Variants in CDC73 observed in about 807,000 individuals in gnomAD.
The protein encoded by CDC73 is cell division cycle 73, also known as parafibromin.
A neutral mutation model predicts 83.7 loss-of-function variants in CDC73; 21 were observed. The observed-to-expected ratio is 0.25, with a 90% confidence interval of 0.18 to 0.36. The LOEUF is 0.36. Among genes scored for constraint, CDC73 ranks in the 10% least tolerant of loss-of-function variants. The pLI, the probability that CDC73 is intolerant of heterozygous loss-of-function variation, is 1.00. For synonymous variants in CDC73, 224 were observed against 212.9 expected (o/e 1.05, Z -0.45); for missense variants, 342 against 653.3 (o/e 0.52, Z 5.19).
Position 193,222,210 on chromosome 1 carries a change from C to T in CDC73, c.1154+9733C>T, listed in dbSNP as rs562705096. On this transcript the variant is annotated intron_variant, in intron 13 of 16. Coordinates refer to ENST00000367435, the MANE Select transcript of CDC73 (RefSeq NM_024529.5). ...ATTGGGTGTAACTTCCTGATTTTGG[C>T]CATGTTGGCAGCCACATGGGGCCGA... 1.4e-4 allele frequency among the ~76,000 whole-genome samples: 21 copies of T among 152,188 alleles called. 1 individual carries two copies. In the South Asian group the frequency reaches 4.4e-3, roughly 32 times the overall value.
chr1:193,180,490 G>A, intron 10 of CDC73: 1 of 1,613,964 alleles, frequency 6.2e-7, no homozygotes, highest in Non-Finnish European at 8.5e-7. Flanking sequence ...CTCATTGGGA[G>A]GGGGTACAGG....
At chr1:193,231,496 A>G (rs149723608) in intron 13 of CDC73, among the ~76,000 whole-genome samples, 274 of 152,306 alleles carry the variant, frequency 1.8e-3, no homozygotes, top group African/African-American at 6.3e-3. Context: ...ATTTCAAACA[A>G]TGCACACATA....
intron 10 of CDC73, among the ~76,000 whole-genome samples, chr1:193,165,793 T>C (rs1448618985): frequency 1.3e-5 from 2 of 152,250 alleles, no homozygotes; most frequent in Non-Finnish European, 2.9e-5. Context: ...GGTTGAGGTC[T>C]CCACTGGTAC....
chr1:193,231,780 A>C (rs1480784414), intron 13 of CDC73, among the ~76,000 whole-genome samples: 1 of 152,164 alleles, frequency 6.6e-6, no homozygotes, highest in African/African-American at 2.4e-5. Flanking sequence ...TGAATCCAAT[A>C]TGTGTAATTG....
intron 10 of CDC73, among the ~76,000 whole-genome samples, chr1:193,176,656 A>G (rs1572176942): frequency 6.6e-6 from 1 of 152,336 alleles, no homozygotes; most frequent in South Asian, 2.1e-4. Flanking sequence ...GTCTGTCAAT[A>G]GGAATTTTTT....
At chr1:193,224,360 A>T (rs1183405223) in intron 13 of CDC73, among the ~76,000 whole-genome samples, 1 of 151,962 alleles carries the variant, frequency 6.6e-6, no homozygotes, top group Non-Finnish European at 1.5e-5. Flanking sequence ...TATATATGAA[A>T]TATGCATTCA....
At chr1:193,143,549 A>G (rs932467498) in intron 7 of CDC73, among the ~76,000 whole-genome samples, 2 of 152,218 alleles carry the variant, frequency 1.3e-5, no homozygotes, top group Admixed American at 6.5e-5. Context: ...TGGTACCACT[A>G]TATCTTTTAA....
chr1:193,183,333 A>G (rs1676751047), intron 10 of CDC73, among the ~76,000 whole-genome samples: 1 of 118,918 alleles, frequency 8.4e-6, no homozygotes, highest in Non-Finnish European at 1.9e-5. Context: ...TTTAGAAGTT[A>G]TAATATTTCT....
rs144587709 is a variant in CDC73 at position 193,194,638 on chromosome 1, A to G, written c.973-9157A>G. 1.5e-3 allele frequency among the ~76,000 whole-genome samples: 224 copies of G among 152,300 alleles called. 2 individuals are homozygous for G. The Middle Eastern group carries it at 0.061, about 42-fold the overall frequency. On this transcript the variant is annotated intron_variant, in intron 10 of 16. Coordinates refer to ENST00000367435, the MANE Select transcript of CDC73 (RefSeq NM_024529.5). The stretch of plus-strand genomic sequence containing the variant: ...ATATGAGATCATTATAGACTTTGAT[A>G]TTAATCCAAGCATTATAGACATGCT...
At chr1:193,234,830 C>T (rs1315436641) in intron 14 of CDC73, among the ~76,000 whole-genome samples, 2 of 152,066 alleles carry the variant, frequency 1.3e-5, no homozygotes, top group Non-Finnish European at 2.9e-5. Flanking sequence ...ATGATTTTGA[C>T]AGTTTGAGGC....
In CDC73 at chr1:193,160,440, A is replaced by G. The variant is rs144549353; in HGVS notation, c.972+7996A>G. Among the ~76,000 whole-genome samples the G allele has an allele frequency of 9.9e-4, 150 of 152,224 alleles. 1 individual carries two copies. The East Asian group carries it at 0.028, about 29-fold the overall frequency. ...TTGTTAAATAACAAAAATTTATACTATGAAACATAGTTTTGGTTACATATA... is the reference window on the plus strand; with the variant it reads ...TTGTTAAATAACAAAAATTTATACTGTGAAACATAGTTTTGGTTACATATA... On this transcript the variant is annotated intron_variant, in intron 10 of 16. Coordinates refer to ENST00000367435, the MANE Select transcript of CDC73 (RefSeq NM_024529.5).
chr1:193,192,008 C>T (rs1401400966), intron 10 of CDC73, among the ~76,000 whole-genome samples: 2 of 152,112 alleles, frequency 1.3e-5, no homozygotes, highest in Non-Finnish European at 2.9e-5. Flanking sequence ...GTATAACAAA[C>T]AATTTGTAAA....
At chr1:193,203,881 T>G in intron 11 of CDC73, 29 bp downstream of exon 11, 1 of 1,601,610 alleles carries the variant, frequency 6.2e-7, no homozygotes, top group Admixed American at 1.7e-5. Flanking sequence ...GCTTTTTGTT[T>G]TCTTTCAAAA....
In CDC73 at chr1:193,138,085, G is replaced by T; in HGVS notation, c.424G>T (p.Asp142Tyr). The T allele has an allele frequency of 1.2e-6, 2 of 1,611,380 alleles. No individual in the cohort carries two copies. Among genetic ancestry groups the T allele is most frequent in the Non-Finnish European group, 1.7e-6 (2 of 1,177,544 alleles). Residue 142 changes from aspartate (D) to tyrosine (Y), a missense_variant and splice_region_variant, in exon 6 of 17, where the codon GAT becomes TAT. Physicochemically the swap from Asp to Tyr is radical, Grantham distance 160 (BLOSUM62 -3). Transcript: ENST00000367435. ...LAEAKKPRIE[D>Y]EECVRLDKER... ...TGCATTAACCAGTGGTTATTTCCAG[G>T]ATGAAGAGTGTGTGCGCCTTGATAA...
At chr1:193,225,528 T>C (rs1367822467) in intron 13 of CDC73, among the ~76,000 whole-genome samples, 3 of 152,152 alleles carry the variant, frequency 2.0e-5, no homozygotes, top group Admixed American at 6.5e-5. Context: ...CCACTAGCAA[T>C]GTAGAAGTGT....
At chr1:193,246,847 G>A (rs1347181722) in intron 15 of CDC73, among the ~76,000 whole-genome samples, 1 of 152,028 alleles carries the variant, frequency 6.6e-6, no homozygotes, top group Non-Finnish European at 1.5e-5. Flanking sequence ...GAACCTCTGT[G>A]CTGTATATAT....
chr1:193,186,063 A>G (rs1317932821), intron 10 of CDC73: 1 of 152,642 alleles, frequency 6.6e-6, no homozygotes, highest in Non-Finnish European at 1.5e-5. Flanking sequence ...ATGCCCACTG[A>G]AAATACTTTT....
chr1:193,152,189 A>G (rs1007160578), intron 9 of CDC73, among the ~76,000 whole-genome samples, 191 bp from the exon 10 acceptor site: 6 of 152,118 alleles, frequency 3.9e-5, no homozygotes, highest in Non-Finnish European at 8.8e-5. Flanking sequence ...ATATATTAAT[A>G]TTTTTTAACC....
chr1:193,171,541 G>A (rs1469609961), intron 10 of CDC73, among the ~76,000 whole-genome samples: 1 of 152,142 alleles, frequency 6.6e-6, no homozygotes, highest in Non-Finnish European at 1.5e-5. Flanking sequence ...CCTTCAGGAG[G>A]CCACTTGGTT....
Sources: gnomAD v4.1 joint callset for allele counts (sites outside exome capture counted in the v4.1 genomes callset) on GRCh38, gnomAD v4.1.1 for gene constraint, MANE v1.5 for transcripts, NCBI Gene and HGNC (gene_info 2026-07-23, HGNC 2026-07-21) for gene names.